Variants in MTA1 observed in about 807,000 individuals in gnomAD.
MTA1 encodes the protein metastasis associated 1, also known as metastasis-associated protein MTA1.
MTA1 carries 15 observed loss-of-function variants against 97.0 expected under a neutral mutation model. That is an observed-to-expected ratio of 0.15 (90% CI 0.10 to 0.24). The LOEUF (loss-of-function observed/expected upper bound fraction) is 0.24, where lower values mean the gene tolerates loss of function less well. MTA1 is among the 10% of genes least tolerant of loss of function. The probability of loss-of-function intolerance (pLI) is 1.00; values close to 1 mark genes in which losing one functional copy is unlikely to be tolerated. For synonymous variants in MTA1, 435 were observed against 417.5 expected (o/e 1.04, Z -0.51); for missense variants, 709 against 1,015.1 (o/e 0.70, Z 4.10).
intron 16 of MTA1, chr14:105,465,497 TGTTCTGATCGTCCCTGG>T (rs1463987687): frequency 4.4e-6 from 1 of 228,534 alleles, no homozygotes; most frequent in Non-Finnish European, 8.5e-6. Flanking sequence ...CTGTTCCCTG[TGTTCTGATCGTCCCTGG>T]GGCCTGAGGG....
chr14:105,464,947 C>A, intron 15 of MTA1, 84 bp downstream of exon 15: 1 of 1,465,320 alleles, frequency 6.8e-7, no homozygotes, highest in South Asian at 1.4e-5. Context: ...CCTGTAGCCC[C>A]ACTGGGAGTT....
intron 2 of MTA1, among the ~76,000 whole-genome samples, chr14:105,444,236 G>A (rs1031874301): frequency 7.2e-5 from 11 of 151,978 alleles, no homozygotes; most frequent in South Asian, 6.2e-4. Context: ...TTAGCCGGGC[G>A]TGGTGGTGGG....
chr14:105,466,433 C>CCCCCCCCCCCCCCCCCCA lies in MTA1; in HGVS notation c.1636_1637insCCCCCCCCCCCCCACCCC (p.Pro545_Arg546insProProProProProPro). On this transcript the variant is annotated inframe_insertion, in exon 17 of 21. Coordinates refer to ENST00000331320, the MANE Select transcript of MTA1 (RefSeq NM_004689.4). ...CTGTGTCATTCCCGGCAGAGACCCACCCCCGCCCCCCCAAGCCTGACCCCG... is the reference window on the plus strand; with the variant it reads ...CTGTGTCATTCCCGGCAGAGACCCACCCCCCCCCCCCCCCCCCACCCCGCCCCCCCAAGCCTGACCCCG... The CCCCCCCCCCCCCCCCCCA allele has an allele frequency of 1.9e-6, 2 of 1,031,928 alleles. No homozygotes were observed. Among genetic ancestry groups the CCCCCCCCCCCCCCCCCCA allele is most frequent in the Admixed American group, 1.8e-5 (1 of 54,234 alleles). 63.9% of individuals were successfully genotyped at this position (1,031,928 alleles called of 1,614,324 possible). A position where few individuals can be genotyped will look rare whatever the true frequency, so the allele number is the denominator to read the frequency against.
chr14:105,469,648 AT>A (rs2083749562), intron 19 of MTA1, 150 bp downstream of exon 19: 1 of 1,205,594 alleles, frequency 8.3e-7, no homozygotes, highest in Admixed American at 2.1e-5. Flanking sequence ...TGTGGGGGCC[AT>A]GGCCCCTGTG....
intron 6 of MTA1, among the ~76,000 whole-genome samples, chr14:105,452,215 C>T (rs1011312698): frequency 3.9e-5 from 6 of 152,214 alleles, no homozygotes; most frequent in South Asian, 2.1e-4. Context: ...CCTGGGCGAT[C>T]GTGCCCCTGC....
At chr14:105,447,182 GCGGCC>G (rs1555427394) in intron 3 of MTA1, among the ~76,000 whole-genome samples, 11 of 151,978 alleles carry the variant, frequency 7.2e-5, no homozygotes, top group Non-Finnish European at 1.5e-4. Context: ...GTGGTGGGGA[GCGGCC>G]TGGCTCGCTG....
At chr14:105,461,015 G>A in intron 10 of MTA1, 62 bp downstream of exon 10, 4 of 1,534,958 alleles carry the variant, frequency 2.6e-6, no homozygotes, top group Non-Finnish European at 3.5e-6. Flanking sequence ...GTAGGCTGCG[G>A]GGGTGTGGGC....
chr14:105,452,212 G>C (rs587611156), intron 6 of MTA1, among the ~76,000 whole-genome samples: 1 of 152,208 alleles, frequency 6.6e-6, no homozygotes, highest in African/African-American at 2.4e-5. Flanking sequence ...GCCCCTGGGC[G>C]ATCGTGCCCC....
chr14:105,442,178 A>G (rs1396942236), intron 2 of MTA1, among the ~76,000 whole-genome samples: 1 of 152,228 alleles, frequency 6.6e-6, no homozygotes, highest in Non-Finnish European at 1.5e-5. Context: ...GTGTTTAGAG[A>G]AAAAGTGGGT....
chr14:105,434,368 T>C (rs1406950696), intron 1 of MTA1, among the ~76,000 whole-genome samples: 5 of 152,238 alleles, frequency 3.3e-5, no homozygotes, highest in Non-Finnish European at 7.3e-5. Context: ...TCTTTTGATC[T>C]TTAAACATCT....
intron 18 of MTA1, chr14:105,467,784 G>A (rs2083658542): frequency 3.6e-6 from 1 of 275,900 alleles, no homozygotes; most frequent in Admixed American, 5.1e-5. Flanking sequence ...CCTAATGGCA[G>A]GGCGTCCCAG....
Position 105,420,188 on chromosome 14 carries a change from GGCTCCTTCCCGAAC to G in MTA1, c.28+126_28+139del. On this transcript the variant is annotated intron_variant, in intron 1 of 20. Coordinates refer to ENST00000331320, the MANE Select transcript of MTA1 (RefSeq NM_004689.4). The surrounding 1 kb of genome is among the most constrained non-coding windows in gnomAD (Gnocchi z 5.3). ...CCCCCCGCCCGCCCTCGCGGCCCCC[GGCTCCTTCCCGAAC>G]CGCCCCCCGCCGTGCTCACCCCAAC... 2.3e-6 allele frequency: 1 copy of G among 437,232 alleles called. No individual in the cohort carries two copies. Among genetic ancestry groups the G allele is most frequent in the Non-Finnish European group, 3.0e-6 (1 of 331,546 alleles). The allele number at this position is 437,232 out of a possible 1,614,324, so 27.1% of individuals were successfully genotyped here.
chr14:105,429,171 G>C (rs912782058), intron 1 of MTA1, among the ~76,000 whole-genome samples: 1 of 152,158 alleles, frequency 6.6e-6, no homozygotes, highest in Non-Finnish European at 1.5e-5. Flanking sequence ...GCTCAGGCTG[G>C]GGCTCTGGCT....
chr14:105,454,055 C>G, intron 6 of MTA1, 138 bp from the exon 7 acceptor site: 1 of 610,788 alleles, frequency 1.6e-6, no homozygotes. Context: ...CTGCGCCCTC[C>G]CTCCCTCCTG....
intron 20 of MTA1, 31 bp downstream of exon 20, chr14:105,470,023 T>A: frequency 6.2e-7 from 1 of 1,612,454 alleles, no homozygotes; most frequent in Non-Finnish European, 8.5e-7. Context: ...GCGGGAGGGC[T>A]CCGCACAGCG....
intron 1 of MTA1, among the ~76,000 whole-genome samples, chr14:105,421,157 C>T (rs2081821149): frequency 6.6e-6 from 1 of 152,154 alleles, no homozygotes; most frequent in African/African-American, 2.4e-5. Flanking sequence ...GCGGTCAGTC[C>T]GCATCAGCAG....
chr14:105,423,583 A>T lies in MTA1; in HGVS notation c.28+3520A>T, dbSNP rs587765110. Among the ~76,000 whole-genome samples, 160 of 151,518 alleles carry T rather than the reference A, an allele frequency of 1.1e-3. No homozygotes were observed. In the South Asian group the frequency reaches 0.011, roughly 11 times the overall value. On this transcript the variant is annotated intron_variant, in intron 1 of 20. Coordinates refer to ENST00000331320, the MANE Select transcript of MTA1 (RefSeq NM_004689.4). ...TGAGACTCCGTATCAAAAAAAAAAA[A>T]TTTTAATGTAGTTTGAAAGGATGCC...
intron 2 of MTA1, among the ~76,000 whole-genome samples, chr14:105,443,862 G>A (rs141998824): frequency 1.2e-4 from 19 of 152,260 alleles, no homozygotes; most frequent in African/African-American, 3.1e-4. Context: ...AGGCTGAGGC[G>A]GGTGGGTCAC....
At chr14:105,465,578 G>C (rs587743931) in intron 16 of MTA1, 2 of 159,278 alleles carry the variant, frequency 1.3e-5, no homozygotes, top group African/African-American at 2.4e-5. Context: ...AGGCAGCGTC[G>C]TACCTGCTGC....
Sources: allele counts gnomAD v4.1 joint callset (sites outside exome capture counted in the v4.1 genomes callset), GRCh38; gene constraint gnomAD v4.1.1; non-coding constraint Gnocchi (gnomAD v3.1); transcripts MANE v1.5; gene names NCBI Gene and HGNC (gene_info 2026-07-23, HGNC 2026-07-21).